SEPTIN11: variants seen among roughly 807,000 people sequenced by gnomAD.
SEPTIN11 encodes septin-11.
A neutral mutation model predicts 51.4 loss-of-function variants in SEPTIN11; 25 were observed. That is an observed-to-expected ratio of 0.49 (90% CI 0.35 to 0.68). SEPTIN11 has a LOEUF of 0.68. SEPTIN11 is among the 30% of genes least tolerant of loss of function. The pLI, the probability that SEPTIN11 is intolerant of heterozygous loss-of-function variation, is 0.00. For synonymous variants in SEPTIN11, 174 were observed against 184.1 expected, an observed-to-expected ratio of 0.95 and a Z score of 0.44; for missense variants, 381 against 520.8, an observed-to-expected ratio of 0.73 and a Z score of 2.61.
intron 1 of SEPTIN11, among the ~76,000 whole-genome samples, chr4:76,977,726 CTT>C (rs559226407): frequency 1.5e-4 from 19 of 127,444 alleles, no homozygotes; most frequent in Non-Finnish European, 1.4e-4. Flanking sequence ...AAAGGTTCGT[CTT>C]TTTTTTTTTT....
intron 2 of SEPTIN11, among the ~76,000 whole-genome samples, chr4:76,998,937 T>C (rs746571646): frequency 3.9e-5 from 6 of 152,074 alleles, no homozygotes; most frequent in African/African-American, 1.4e-4. Flanking sequence ...AGGTTCCCCA[T>C]AGGCAAGAAG....
intron 1 of SEPTIN11, among the ~76,000 whole-genome samples, chr4:76,977,488 C>G (rs1722556086): frequency 6.6e-6 from 1 of 152,116 alleles, no homozygotes; most frequent in Non-Finnish European, 1.5e-5. Context: ...CAACTAATGC[C>G]TAGCTCAGGG....
chr4:77,030,198 G>T (rs747720876), intron 8 of SEPTIN11, among the ~76,000 whole-genome samples: 15 of 152,086 alleles, frequency 9.9e-5, no homozygotes, highest in Non-Finnish European at 1.8e-4. Flanking sequence ...AGAGGTTGCA[G>T]TGAGCTGAGA....
chr4:77,035,690 T>C lies in SEPTIN11; in HGVS notation c.*1178T>C. ...GAAGTCTCAAATCATTGTCTGGAATTTTCCTCACCTTGGCTAGCTCCACCT... is the reference window on the plus strand; with the variant it reads ...GAAGTCTCAAATCATTGTCTGGAATCTTCCTCACCTTGGCTAGCTCCACCT... On this transcript the variant is annotated 3_prime_UTR_variant, in exon 10 of 10. Transcript: ENST00000264893. 2 of 985,878 alleles carry C rather than the reference T, an allele frequency of 2.0e-6. No individual in the cohort carries two copies. Among genetic ancestry groups the C allele is most frequent in the African/African-American group, 1.7e-5 (1 of 57,362 alleles). The allele number at this position is 985,878 out of a possible 1,614,324, so 61.1% of individuals were successfully genotyped here. A position where few individuals can be genotyped will look rare whatever the true frequency, so the allele number is the denominator to read the frequency against.
intron 1 of SEPTIN11, among the ~76,000 whole-genome samples, chr4:76,976,507 C>T (rs918934833): frequency 6.6e-6 from 1 of 152,140 alleles, no homozygotes; most frequent in Non-Finnish European, 1.5e-5. Context: ...TTGATCCTGG[C>T]CCTCAAAGAC....
intron 1 of SEPTIN11, among the ~76,000 whole-genome samples, chr4:76,983,515 C>T (rs1264527504): frequency 6.6e-6 from 1 of 152,176 alleles, no homozygotes; most frequent in Non-Finnish European, 1.5e-5. Flanking sequence ...TGTGATAACC[C>T]AGGCAGAAAG....
intron 1 of SEPTIN11, among the ~76,000 whole-genome samples, chr4:76,986,666 C>A (rs1259437913): frequency 3.3e-5 from 5 of 152,148 alleles, no homozygotes; most frequent in African/African-American, 4.8e-5. Flanking sequence ...TCCGATTCCT[C>A]CTGTCACTTT....
chr4:77,035,857 T>A lies in SEPTIN11; in HGVS notation c.*1345T>A. 1.0e-6 allele frequency: 1 copy of A among 985,914 alleles called. No individual in the cohort carries two copies. The highest frequency in any genetic ancestry group is 1.2e-6 in the Non-Finnish European group (1 of 829,964). 61.1% of individuals were successfully genotyped at this position (985,914 alleles called of 1,614,324 possible). On this transcript the variant is annotated 3_prime_UTR_variant, in exon 10 of 10. Transcript: ENST00000264893. ...CTCCTTTCTGATGCTTATCCTTTCA[T>A]CTGTGTGATTGTTTTTTCCCCTCTA...
chr4:77,040,134 T>TTTA (rs1185488636), downstream of SEPTIN11: 2 of 152,204 alleles, frequency 1.3e-5, no homozygotes, highest in African/African-American at 4.8e-5. Flanking sequence ...TCAATTTATA[T>TTTA]TTAAAGATAC....
intron 4 of SEPTIN11, among the ~76,000 whole-genome samples, chr4:77,013,945 T>C (rs897832987): frequency 6.6e-6 from 1 of 152,162 alleles, no homozygotes; most frequent in Non-Finnish European, 1.5e-5. Flanking sequence ...GGAAAGTTAA[T>C]CTTAAAATGC....
chr4:76,952,465 G>T (rs887094906), intron 1 of SEPTIN11, among the ~76,000 whole-genome samples: 2 of 152,120 alleles, frequency 1.3e-5, no homozygotes, highest in African/African-American at 4.8e-5. Context: ...CTAAATTTTT[G>T]ATATTCTTGA....
chr4:77,032,382 A>G (rs1726715218), intron 9 of SEPTIN11, among the ~76,000 whole-genome samples: 1 of 152,248 alleles, frequency 6.6e-6, no homozygotes, highest in African/African-American at 2.4e-5. Flanking sequence ...CACATAGATT[A>G]TAATCTAAGA....
chr4:76,988,665 T>G (rs986887027), intron 1 of SEPTIN11, among the ~76,000 whole-genome samples: 1 of 152,208 alleles, frequency 6.6e-6, no homozygotes, highest in Non-Finnish European at 1.5e-5. Flanking sequence ...CATGAGCCAT[T>G]GCGCCCAGCC....
intron 1 of SEPTIN11, chr4:76,958,729 GAATT>G (rs1721671472): frequency 1.8e-6 from 1 of 560,268 alleles, no homozygotes; most frequent in Admixed American, 3.2e-5. Context: ...GTTGTTGTTA[GAATT>G]AATGTTTTAT....
intron 4 of SEPTIN11, among the ~76,000 whole-genome samples, chr4:77,013,796 C>T (rs928253937): frequency 1.3e-5 from 2 of 152,144 alleles, no homozygotes; most frequent in African/African-American, 4.8e-5. Flanking sequence ...TGAACACCTC[C>T]CGAAAGACTC....
chr4:76,959,724 T>C (rs955854734), intron 1 of SEPTIN11, among the ~76,000 whole-genome samples: 1 of 152,246 alleles, frequency 6.6e-6, no homozygotes, highest in Non-Finnish European at 1.5e-5. Context: ...TTTGGGCTTA[T>C]ATTGTCTGCA....
At chr4:76,974,986 G>A (rs942502191) in intron 1 of SEPTIN11, among the ~76,000 whole-genome samples, 2 of 151,906 alleles carry the variant, frequency 1.3e-5, no homozygotes, top group African/African-American at 2.4e-5. Flanking sequence ...AGTCAGGTGC[G>A]GTGACACGTG....
chr4:76,997,636 C>T (rs1270735898), intron 2 of SEPTIN11, among the ~76,000 whole-genome samples: 1 of 152,122 alleles, frequency 6.6e-6, no homozygotes. Flanking sequence ...GAGAACACAG[C>T]CAACTCTCAT....
In SEPTIN11 at chr4:77,036,965, G is replaced by A. The variant is rs1489799404; in HGVS notation, c.*2453G>A. ...GAAGGTAATGGTTTGAGTAGCCTTT[G>A]TTTAAAAAAAAGACTAAATATATTT... On this transcript the variant is annotated 3_prime_UTR_variant, in exon 10 of 10. Transcript: ENST00000264893. The A allele has an allele frequency of 4.7e-6, 6 of 1,263,800 alleles. No individual in the cohort carries two copies. The highest frequency in any genetic ancestry group is 6.0e-6 in the Non-Finnish European group (6 of 1,006,798). 78.3% of individuals were successfully genotyped at this position (1,263,800 alleles called of 1,614,324 possible).
Sources: gnomAD v4.1 joint callset for allele counts (sites outside exome capture counted in the v4.1 genomes callset) on GRCh38, gnomAD v4.1.1 for gene constraint, MANE v1.5 for transcripts, NCBI Gene and HGNC (gene_info 2026-07-23, HGNC 2026-07-21) for gene names.